Variants in DNAI3 observed in about 807,000 individuals in gnomAD.
DNAI3 encodes the protein dynein axonemal intermediate chain 3.
Under a neutral mutation model 115.5 loss-of-function variants are expected in DNAI3, and 83 were observed. The observed-to-expected ratio is 0.72, with a 90% CI of 0.60 to 0.86. DNAI3 has a LOEUF of 0.86. Ranked by LOEUF, DNAI3 falls within the 40% of genes least tolerant of loss-of-function variation. The pLI, the probability that DNAI3 is intolerant of heterozygous loss-of-function variation, is 0.00. For synonymous variants in DNAI3, 320 were observed against 347.0 expected, an observed-to-expected ratio of 0.92 and a Z score of 0.86; for missense variants, 1,004 against 1,075.8, an observed-to-expected ratio of 0.93 and a Z score of 0.93.
At position 85,103,043 on chromosome 1, in the gene DNAI3, A is replaced by G. The variant is rs182724518; in HGVS notation, c.1480-1481A>G. Among the ~76,000 whole-genome samples the G allele has an allele frequency of 2.2e-4, 33 of 152,238 alleles. No individual in the cohort carries two copies. The Middle Eastern group carries it at 0.014, about 63-fold the overall frequency. On this transcript the variant is annotated intron_variant, in intron 13 of 22. Transcript: ENST00000294664. ...GGTAGTTCAGGCCACAGAGATGTCC[A>G]TCAGGTTTGTGATTGTTTGGCTTCT... is the stretch of plus-strand genomic sequence containing the variant.
intron 3 of DNAI3, among the ~76,000 whole-genome samples, chr1:85,075,797 A>G (rs1289128003): frequency 1.3e-5 from 2 of 152,220 alleles, no homozygotes; most frequent in Admixed American, 6.5e-5. Context: ...CCTTAGCTCT[A>G]TAAAGTAGGC....
intron 7 of DNAI3, 93 bp from the exon 8 acceptor site, chr1:85,090,023 A>G: frequency 2.0e-6 from 1 of 495,910 alleles, no homozygotes; most frequent in Non-Finnish European, 3.5e-6. Flanking sequence ...TCCTAACATC[A>G]TTGTCACAGA....
rs769597974 is a variant in DNAI3 at position 85,086,066 on chromosome 1, A to G, written c.740+36A>G. 9 of 1,586,454 alleles carry G rather than the reference A, an allele frequency of 5.7e-6. 1 individual carries two copies. In the South Asian group the frequency reaches 1.0e-4, roughly 18 times the overall value. ...GATGGGTGTATGTAATTTTATAGCC[A>G]GTTACAGTAAAATCTAGTAACTTCC... On this transcript the variant is annotated intron_variant, in intron 7 of 22. Transcript: ENST00000294664.
chr1:85,064,979 GCTGAGATTACGCCATTGCACTCCAGC>G (rs1654051053), intron 1 of DNAI3, among the ~76,000 whole-genome samples: 1 of 152,184 alleles, frequency 6.6e-6, no homozygotes, highest in African/African-American at 2.4e-5. Context: ...GTTGCAATGA[GCTGAGATTACGCCATTGCACTCCAGC>G]CTGGGTGACA....
chr1:85,095,980 G>C lies in DNAI3; in HGVS notation c.1223G>C (p.Ser408Thr). The C allele has an allele frequency of 6.2e-7, 1 of 1,613,904 alleles. No homozygotes were observed. The highest frequency in any genetic ancestry group is 8.5e-7 in the Non-Finnish European group (1 of 1,179,884). ...DDIFCFKFCPSDPNIIAGGCI... is the reference protein window; with the variant it reads ...DDIFCFKFCPTDPNIIAGGCI... ...ATCTTCTGCTTCAAGTTCTGTCCGA[G>C]TGATCCTAATATCATTGCTGGAGGC... The change falls in exon 11 of 23, where the codon AGT (serine) becomes ACT (threonine). Residue 408 changes from serine to threonine, a missense_variant. This residue lies in a region of DNAI3 where 550 missense variants were observed against 568.1 expected (regional missense o/e 0.97). Coordinates refer to ENST00000294664, the MANE Select transcript of DNAI3 (RefSeq NM_145172.5).
At chr1:85,098,680 C>CT (rs760383430) in intron 13 of DNAI3, 22 bp downstream of exon 13, 6 of 1,605,772 alleles carry the variant, frequency 3.7e-6, no homozygotes, top group Non-Finnish European at 3.4e-6. Context: ...TGGCCTTATA[C>CT]TTTTCTCCTG....
intron 8 of DNAI3, 146 bp downstream of exon 8, chr1:85,090,378 C>T (rs534674854): frequency 2.2e-6 from 1 of 456,320 alleles, no homozygotes; most frequent in African/African-American, 2.0e-5. Flanking sequence ...TCTACAGATT[C>T]TCAATATTTA....
intron 1 of DNAI3, among the ~76,000 whole-genome samples, chr1:85,069,656 G>C (rs1654208357): frequency 6.6e-6 from 1 of 152,010 alleles, no homozygotes; most frequent in African/African-American, 2.4e-5. Context: ...AAAATGCTGG[G>C]ATTACAGCCA....
chr1:85,082,285 A>G lies in DNAI3; in HGVS notation c.286-15A>G. On this transcript the variant is annotated splice_polypyrimidine_tract_variant and intron_variant, in intron 4 of 22. Coordinates refer to ENST00000294664, the MANE Select transcript of DNAI3 (RefSeq NM_145172.5). ...CATTGAACATTAACTTCCTATCTCA[A>G]TTATATTCTTGTAGGAATATCCTGG... is the stretch of plus-strand genomic sequence containing the variant. 1 of 1,595,164 alleles carries G rather than the reference A, an allele frequency of 6.3e-7. No homozygotes were observed. The highest frequency in any genetic ancestry group is 2.2e-5 in the East Asian group (1 of 44,764).
chr1:85,090,025 T>C lies in DNAI3; in HGVS notation c.741-91T>C, dbSNP rs1040406338. On this transcript the variant is annotated intron_variant, in intron 7 of 22. Coordinates refer to ENST00000294664, the MANE Select transcript of DNAI3 (RefSeq NM_145172.5). ...ATATAAAATAATATCCTAACATCAT[T>C]GTCACAGAGACACACTTTTGACCTG... 2.6e-5 allele frequency: 13 copies of C among 501,930 alleles called. 1 individual carries two copies. The highest frequency in any genetic ancestry group is 2.3e-4 in the Admixed American group (7 of 30,814). The allele number at this position is 501,930 out of a possible 1,614,324, so 31.1% of individuals were successfully genotyped here.
chr1:85,126,215 C>T (rs888246564), intron 19 of DNAI3, among the ~76,000 whole-genome samples: 3 of 152,104 alleles, frequency 2.0e-5, no homozygotes, highest in African/African-American at 7.2e-5. Context: ...CAGAAATAGT[C>T]GTAAGGTTAG....
chr1:85,064,817 G>A (rs78951866), intron 1 of DNAI3, among the ~76,000 whole-genome samples: 12 of 152,128 alleles, frequency 7.9e-5, no homozygotes, highest in African/African-American at 2.7e-4. Flanking sequence ...CAGATCACCT[G>A]AGGTCAGGAG....
intron 1 of DNAI3, among the ~76,000 whole-genome samples, chr1:85,065,113 T>C (rs1654054302): frequency 6.6e-6 from 1 of 152,026 alleles, no homozygotes; most frequent in Non-Finnish European, 1.5e-5. Context: ...GGAAAGAGGA[T>C]GATGACCACC....
At chr1:85,082,495 G>A in intron 5 of DNAI3, 91 bp downstream of exon 5, 2 of 966,822 alleles carry the variant, frequency 2.1e-6, no homozygotes, top group Admixed American at 4.3e-5. Context: ...ACCCAGGCTA[G>A]AGTGCAGTGG....
chr1:85,068,229 CA>C (rs1334035906), intron 1 of DNAI3, among the ~76,000 whole-genome samples: 1 of 151,984 alleles, frequency 6.6e-6, no homozygotes, highest in East Asian at 1.9e-4. Flanking sequence ...GTCTAGTTTG[CA>C]GTCTAACTTC....
intron 3 of DNAI3, among the ~76,000 whole-genome samples, chr1:85,073,395 AGTATTTTTTCAAACTTTTGCTCAT>A (rs1654347822): frequency 6.6e-6 from 1 of 152,228 alleles, no homozygotes; most frequent in Non-Finnish European, 1.5e-5. Flanking sequence ...TTATCAGATA[AGTATTTTTTCAAACTTTTGCTCAT>A]AGGTAATATT....
rs750289920 is a variant in DNAI3 at position 85,098,532 on chromosome 1, T to G, written c.1353T>G (p.Pro451=). The G allele has an allele frequency of 2.5e-6, 4 of 1,610,596 alleles. No homozygotes were observed. Among genetic ancestry groups the G allele is most frequent in the Non-Finnish European group, 3.4e-6 (4 of 1,179,004 alleles). ...GSRSKRATLK[P]MFLLEPESNK... ...AACTTTCTTTTAATATTTTTCAGCC[T>G]ATGTTTCTCCTTGAACCGGAGAGTA... The change falls in exon 13 of 23, where the codon CCT becomes CCG. Residue 451 remains proline, a splice_region_variant and synonymous_variant. Transcript: ENST00000294664.
At chr1:85,116,014 T>C (rs1420094944) in intron 16 of DNAI3, among the ~76,000 whole-genome samples, 1 of 152,196 alleles carries the variant, frequency 6.6e-6, no homozygotes, top group Non-Finnish European at 1.5e-5. Flanking sequence ...TTAGCATCTG[T>C]GATTTTCCTA....
intron 9 of DNAI3, 181 bp downstream of exon 9, chr1:85,093,829 G>A (rs772382140): frequency 1.2e-5 from 9 of 732,680 alleles, no homozygotes; most frequent in Non-Finnish European, 2.2e-5. Flanking sequence ...CAACAACCCT[G>A]TAGGATACAC....
Sources: gnomAD v4.1 joint callset for allele counts (sites outside exome capture counted in the v4.1 genomes callset) on GRCh38, gnomAD v4.1.1 for gene constraint, gnomAD v4.1.1 regional missense constraint, MANE v1.5 for transcripts, NCBI Gene and HGNC (gene_info 2026-07-23, HGNC 2026-07-21) for gene names.